The following PPM1A variants were observed in gnomAD, a reference collection of about 807,000 sequenced individuals.
PPM1A encodes protein phosphatase, Mg2+/Mn2+ dependent 1A, also known as protein phosphatase 1A.
PPM1A carries 7 observed loss-of-function variants against 35.0 expected under a neutral mutation model. That is an observed-to-expected ratio of 0.20 (90% CI 0.11 to 0.38). The LOEUF is 0.38. PPM1A is among the 10% of genes least tolerant of loss of function. PPM1A has a pLI of 1.00. For synonymous variants in PPM1A, 153 were observed against 167.3 expected, an observed-to-expected ratio of 0.91 and a Z score of 0.66; for missense variants, 239 against 467.8, an observed-to-expected ratio of 0.51 and a Z score of 4.51.
At position 60,289,788 on chromosome 14, in the gene PPM1A, A is replaced by G. The variant is rs1028660093; in HGVS notation, c.953-18A>G. On this transcript the variant is annotated intron_variant, in intron 3 of 5. Coordinates refer to ENST00000395076, the MANE Select transcript of PPM1A (RefSeq NM_021003.5). This position sits in a 1 kb window ranked among gnomAD's most constrained non-coding sequence, Gnocchi z 4.1. ...AAATTTGGATAACACTTACAAAAAA[A>G]GTACTTCTGATTCCCAGAAATCATA... is the stretch of plus-strand genomic sequence containing the variant. 19 of 1,548,970 alleles carry G rather than the reference A, an allele frequency of 1.2e-5. No homozygotes were observed. The highest frequency in any genetic ancestry group is 1.7e-5 in the Non-Finnish European group (19 of 1,125,842).
chr14:60,265,878 T>G (rs1884314750), intron 1 of PPM1A, among the ~76,000 whole-genome samples: 1 of 152,134 alleles, frequency 6.6e-6, no homozygotes, highest in South Asian at 2.1e-4. Flanking sequence ...CCCAGTTACT[T>G]TTTATGGACT....
chr14:60,263,699 A>G (rs1396070099), intron 1 of PPM1A, among the ~76,000 whole-genome samples: 2 of 152,038 alleles, frequency 1.3e-5, no homozygotes, highest in Non-Finnish European at 2.9e-5. Flanking sequence ...TGAAAGTAAT[A>G]TTTCTTTCTT....
intron 1 of PPM1A, among the ~76,000 whole-genome samples, chr14:60,252,647 T>A (rs1218446393): frequency 2.6e-5 from 4 of 152,204 alleles, no homozygotes. Flanking sequence ...TAAGTTGTGT[T>A]TGTTATTTTG....
rs1346188871 is a variant in PPM1A, at chr14:60,249,338, C to T, written c.-360C>T. On this transcript the variant is annotated 5_prime_UTR_variant, in exon 1 of 6. Transcript: ENST00000395076. This position sits in a 1 kb window ranked among gnomAD's most constrained non-coding sequence, Gnocchi z 4.5. ...TTCGGGTCCTCAGGCGGCTGTTGCT[C>T]CGGAACGGGTGGTTGGGGAGGGGGG... The T allele has an allele frequency of 5.2e-6, 4 of 775,414 alleles. No individual in the cohort carries two copies. The highest frequency in any genetic ancestry group is 6.1e-6 in the Non-Finnish European group (4 of 657,136). The allele number at this position is 775,414 out of a possible 1,614,324, so 48.0% of individuals were successfully genotyped here. A position where few individuals can be genotyped will look rare whatever the true frequency, so the allele number is the denominator to read the frequency against.
At chr14:60,252,330 G>A (rs1303570371) in intron 1 of PPM1A, among the ~76,000 whole-genome samples, 1 of 152,168 alleles carries the variant, frequency 6.6e-6, no homozygotes. Context: ...GTGATATTTT[G>A]ATGATCCTCT....
rs960129642 is a variant in PPM1A, at chr14:60,297,502, C to T, written c.*5020C>T. 6.6e-6 allele frequency: 1 copy of T among 151,624 alleles called. No homozygotes were observed. The highest frequency in any genetic ancestry group is 2.4e-5 in the African/African-American group (1 of 41,376). 9.4% of individuals were successfully genotyped at this position (151,624 alleles called of 1,614,324 possible). A position where few individuals can be genotyped will look rare whatever the true frequency, so the allele number is the denominator to read the frequency against. ...ATGTTTCTTCACTAGAAAACCCAAC[C>T]CTTCATTTCTTTTCATTGCTCCAAA... is the stretch of plus-strand genomic sequence containing the variant. On this transcript the variant is annotated 3_prime_UTR_variant, in exon 6 of 6. Transcript: ENST00000395076.
rs1595391454 is a variant in PPM1A at position 60,298,967 on chromosome 14, C to G, written c.*6485C>G. 1 of 151,718 alleles carries G rather than the reference C, an allele frequency of 6.6e-6. No individual in the cohort carries two copies. Among genetic ancestry groups the G allele is most frequent in the African/African-American group, 2.4e-5 (1 of 41,362 alleles). The allele number at this position is 151,718 out of a possible 1,614,324, so 9.4% of individuals were successfully genotyped here. ...ACTTTAAGAATGTACTGTTTGTTTTCAAGTTCATTGAAAAATTGCATTCAG... is the reference window on the plus strand; with the variant it reads ...ACTTTAAGAATGTACTGTTTGTTTTGAAGTTCATTGAAAAATTGCATTCAG... On this transcript the variant is annotated 3_prime_UTR_variant, in exon 6 of 6. Coordinates refer to ENST00000395076, the MANE Select transcript of PPM1A (RefSeq NM_021003.5).
chr14:60,258,004 A>G (rs1028574001), intron 1 of PPM1A, among the ~76,000 whole-genome samples: 23 of 152,270 alleles, frequency 1.5e-4, no homozygotes, highest in Admixed American at 7.8e-4. Flanking sequence ...CAAGGGGCCA[A>G]TCTTAGAAGT....
At chr14:60,270,675 C>G (rs953605826) in intron 1 of PPM1A, among the ~76,000 whole-genome samples, 4 of 147,018 alleles carry the variant, frequency 2.7e-5, no homozygotes, top group African/African-American at 1.1e-4. Flanking sequence ...TAACCTGTTA[C>G]AGGTAAGAAA....
chr14:60,295,506 TAATA>T lies in PPM1A; in HGVS notation c.*3028_*3031del, dbSNP rs1887991168. On this transcript the variant is annotated 3_prime_UTR_variant, in exon 6 of 6. Transcript: ENST00000395076. ...TCAACATTAAGAAATTTGGATTAAG[TAATA>T]AATTAGTTATGTAATTCAAGTAATC... is the stretch of plus-strand genomic sequence containing the variant. The T allele has an allele frequency of 6.6e-6, 1 of 151,752 alleles. No homozygotes were observed. Among genetic ancestry groups the T allele is most frequent in the African/African-American group, 2.4e-5 (1 of 41,400 alleles). 9.4% of individuals were successfully genotyped at this position (151,752 alleles called of 1,614,324 possible).
Position 60,292,598 on chromosome 14 carries a change from A to T in PPM1A, c.*116A>T. 1.2e-6 allele frequency: 1 copy of T among 820,624 alleles called. No homozygotes were observed. Among genetic ancestry groups the T allele is most frequent in the Admixed American group, 2.3e-5 (1 of 43,242 alleles). The allele number at this position is 820,624 out of a possible 1,614,324, so 50.8% of individuals were successfully genotyped here. On this transcript the variant is annotated 3_prime_UTR_variant, in exon 6 of 6. Transcript: ENST00000395076. This position sits in a 1 kb window ranked among gnomAD's most constrained non-coding sequence, Gnocchi z 4.2. ...TAAGGAAGGGGATATGACATGGGTG[A>T]GAATGATTACATCAGAGAACTTCAG...
upstream of PPM1A, among the ~76,000 whole-genome samples, chr14:60,246,317 G>A (rs1398674793): frequency 6.6e-6 from 1 of 152,018 alleles, no homozygotes; most frequent in Non-Finnish European, 1.5e-5. Context: ...TTGCTGATCA[G>A]ATTAAGCTTT....
intron 1 of PPM1A, among the ~76,000 whole-genome samples, chr14:60,258,870 T>C (rs1365455691): frequency 6.6e-6 from 1 of 152,052 alleles, no homozygotes; most frequent in Non-Finnish European, 1.5e-5. Flanking sequence ...GATCTTAAAA[T>C]CTAAAGTGAG....
intron 1 of PPM1A, among the ~76,000 whole-genome samples, chr14:60,257,814 A>G (rs1466295582): frequency 2.9e-5 from 4 of 138,688 alleles, no homozygotes; most frequent in African/African-American, 8.6e-5. Context: ...GGATGGCTAT[A>G]TATTTTTTTG....
intron 1 of PPM1A, among the ~76,000 whole-genome samples, chr14:60,264,448 T>A (rs1432679988): frequency 2.0e-5 from 3 of 152,208 alleles, no homozygotes; most frequent in African/African-American, 7.2e-5. Flanking sequence ...AGGGTTGTAA[T>A]GAGGATTAAG....
chr14:60,275,993 G>T (rs746285752), intron 1 of PPM1A, among the ~76,000 whole-genome samples: 1 of 152,034 alleles, frequency 6.6e-6, no homozygotes, highest in Non-Finnish European at 1.5e-5. Flanking sequence ...AGTGTAGTTT[G>T]TGTAGCCTAA....
chr14:60,268,278 C>T (rs148131277), intron 1 of PPM1A: 37 of 982,976 alleles, frequency 3.8e-5, no homozygotes, highest in Middle Eastern at 5.2e-4. Context: ...TAATAACTTT[C>T]TCATATTGTT....
intron 1 of PPM1A, among the ~76,000 whole-genome samples, chr14:60,257,850 A>C (rs1419611054): frequency 2.0e-5 from 3 of 152,196 alleles, no homozygotes; most frequent in Non-Finnish European, 4.4e-5. Context: ...ACAGAATCTC[A>C]TAACTTACCA....
At chr14:60,291,350 T>C (rs1282580466) in intron 4 of PPM1A, 47 bp from the exon 5 acceptor site, 1 of 1,319,814 alleles carries the variant, frequency 7.6e-7, no homozygotes, top group Non-Finnish European at 1.1e-6. Context: ...TACTAAGCAA[T>C]GTTTTGCTTT....
Sources: allele counts gnomAD v4.1 joint callset (sites outside exome capture counted in the v4.1 genomes callset), GRCh38; gene constraint gnomAD v4.1.1; non-coding constraint Gnocchi (gnomAD v3.1); transcripts MANE v1.5; gene names NCBI Gene and HGNC (gene_info 2026-07-23, HGNC 2026-07-21).